THRAP3: variants seen among roughly 807,000 people sequenced by gnomAD.
THRAP3 encodes thyroid hormone receptor associated protein 3, also known as thyroid hormone receptor-associated protein 3.
In THRAP3, 16 loss-of-function variants were observed where a neutral mutation model predicts 101.0. That is an observed-to-expected ratio of 0.16 (90% CI 0.11 to 0.24). The LOEUF is 0.24. Among genes scored for constraint, THRAP3 ranks in the 10% least tolerant of loss-of-function variants. The probability of loss-of-function intolerance (pLI) is 1.00; values close to 1 mark genes in which losing one functional copy is unlikely to be tolerated. For missense variants in THRAP3, 989 were observed against 1,202.7 expected (o/e 0.82, Z 2.63); for synonymous variants, 407 against 422.6 (o/e 0.96, Z 0.45).
chr1:36,228,847 A>C (rs1323717751), intron 1 of THRAP3, among the ~76,000 whole-genome samples: 1 of 152,198 alleles, frequency 6.6e-6, no homozygotes, highest in Non-Finnish European at 1.5e-5. Context: ...AATCCATAAA[A>C]ATGTAGGCTG....
Position 36,286,676 on chromosome 1 carries a change from C to T in THRAP3, c.446C>T (p.Ser149Leu). Residue 149 changes from serine to leucine, a missense_variant, in exon 4 of 12, where the codon TCG (serine) becomes TTG (leucine). Physicochemically the swap from Ser to Leu is moderately radical, Grantham distance 145. Coordinates refer to ENST00000354618, the MANE Select transcript of THRAP3 (RefSeq NM_005119.4). The surrounding 1 kb of genome is among the most constrained non-coding windows in gnomAD (Gnocchi z 5.5). ...AGCCATTCTAGAAACTCTGATAAGTCGTCTTCTGACCGGTCAAGGCGCTCC... is the reference window on the plus strand; with the variant it reads ...AGCCATTCTAGAAACTCTGATAAGTTGTCTTCTGACCGGTCAAGGCGCTCC... The part of the protein sequence containing the change: ...SRSHSRNSDK[S>L]SSDRSRRSSS... 2.5e-6 allele frequency: 4 copies of T among 1,614,168 alleles called. No individual in the cohort carries two copies. Among genetic ancestry groups the T allele is most frequent in the East Asian group, 2.2e-5 (1 of 44,880 alleles).
At chr1:36,282,030 G>A (rs1048381843) in intron 2 of THRAP3, among the ~76,000 whole-genome samples, 2 of 151,908 alleles carry the variant, frequency 1.3e-5, no homozygotes, top group Non-Finnish European at 2.9e-5. Context: ...CTGAGATTAA[G>A]CCATTGCACT....
At chr1:36,297,444 AT>A (rs764365723) in intron 9 of THRAP3, among the ~76,000 whole-genome samples, 4,431 of 122,334 alleles carry the variant, frequency 0.036, 101 homozygotes, top group African/African-American at 0.12. Flanking sequence ...GCTGGCAAGC[AT>A]TTTTTTTTTT....
chr1:36,239,067 G>C (rs1311507686), intron 1 of THRAP3, among the ~76,000 whole-genome samples: 9 of 151,682 alleles, frequency 5.9e-5, no homozygotes, highest in Admixed American at 4.0e-4. Context: ...CCAAGTAGCT[G>C]GGAGTACAGG....
chr1:36,236,363 G>A (rs1313444396), intron 1 of THRAP3, among the ~76,000 whole-genome samples: 1 of 151,978 alleles, frequency 6.6e-6, no homozygotes, highest in Non-Finnish European at 1.5e-5. Context: ...TAGCTATATA[G>A]AACTACATAG....
At chr1:36,302,098 T>C (rs908586523) in intron 11 of THRAP3, among the ~76,000 whole-genome samples, 1 of 152,200 alleles carries the variant, frequency 6.6e-6, no homozygotes, top group African/African-American at 2.4e-5. Context: ...CAGGATCTCT[T>C]TGAGGAAAGG....
rs760377905 is a variant in THRAP3 at position 36,301,564 on chromosome 1, C to A, written c.2514C>A (p.Ala838=). Residue 838 remains alanine (A), a synonymous_variant, in exon 11 of 12, where the codon GCC becomes GCA. Transcript: ENST00000354618. Reference sequence around the variant, plus strand: ...ATTTATTGCAATAGCAGTTTCGAGCCAGAGGAAGAGGCTGGGGCAGAGGCA... The same window carrying A: ...ATTTATTGCAATAGCAGTTTCGAGCAAGAGGAAGAGGCTGGGGCAGAGGCA... ...GRARGTFQFR[A]RGRGWGRGNY... is the part of the protein sequence containing the mutation. 6.2e-7 allele frequency: 1 copy of A among 1,612,944 alleles called. No individual in the cohort carries two copies. The highest frequency in any genetic ancestry group is 1.1e-5 in the South Asian group (1 of 91,024).
chr1:36,235,190 A>C (rs1036495670), intron 1 of THRAP3, among the ~76,000 whole-genome samples: 4 of 152,198 alleles, frequency 2.6e-5, no homozygotes, highest in Non-Finnish European at 5.9e-5. Flanking sequence ...TGATTAACCC[A>C]ATGACAGGCA....
chr1:36,296,160 G>T lies in THRAP3; in HGVS notation c.2116-423G>T, dbSNP rs116250055. ...GGCTGATTTTTGTATTTTTAGTAGA[G>T]AACAGGGTTTTGGTTGTTGCCCATG... is the stretch of plus-strand genomic sequence containing the variant. On this transcript the variant is annotated intron_variant, in intron 8 of 11. Coordinates refer to ENST00000354618, the MANE Select transcript of THRAP3 (RefSeq NM_005119.4). Among the ~76,000 whole-genome samples the T allele has an allele frequency of 9.5e-3, 1,449 of 151,734 alleles. 17 individuals are homozygous for T. Among genetic ancestry groups the T allele is most frequent in the African/African-American group, 0.034 (1,388 of 41,350 alleles).
intron 1 of THRAP3, among the ~76,000 whole-genome samples, chr1:36,252,679 G>A (rs1484936105): frequency 3.3e-5 from 5 of 151,536 alleles, no homozygotes; most frequent in African/African-American, 7.3e-5. Flanking sequence ...AGGCTGAGGC[G>A]GGCAGATCAC....
chr1:36,277,777 G>A (rs1011948791), intron 2 of THRAP3, among the ~76,000 whole-genome samples: 3 of 151,986 alleles, frequency 2.0e-5, no homozygotes, highest in African/African-American at 7.3e-5. Context: ...TTATTATTTT[G>A]AGACGGAATT....
intron 2 of THRAP3, among the ~76,000 whole-genome samples, chr1:36,280,807 G>T (rs554556228): frequency 1.3e-5 from 2 of 152,050 alleles, no homozygotes; most frequent in African/African-American, 2.4e-5. Flanking sequence ...TGTAGACCAG[G>T]CGTTAACCTC....
At chr1:36,259,084 GT>G (rs1645411634) in intron 1 of THRAP3, among the ~76,000 whole-genome samples, 1 of 152,208 alleles carries the variant, frequency 6.6e-6, no homozygotes, top group African/African-American at 2.4e-5. Flanking sequence ...ACCAGGTTGA[GT>G]TTTGTGGAGC....
In THRAP3 at chr1:36,304,196, A is replaced by C; in HGVS notation, c.*179A>C. The C allele has an allele frequency of 1.0e-6, 1 of 974,206 alleles. No homozygotes were observed. The highest frequency in any genetic ancestry group is 1.4e-6 in the Non-Finnish European group (1 of 707,012). 60.3% of individuals were successfully genotyped at this position (974,206 alleles called of 1,614,324 possible). A position where few individuals can be genotyped will look rare whatever the true frequency, so the allele number is the denominator to read the frequency against. On this transcript the variant is annotated 3_prime_UTR_variant, in exon 12 of 12. Transcript: ENST00000354618. Reference sequence around the variant, plus strand: ...GGCGCTGTCTCCCACTGGACAGAGGAGGCTGGCCATGGGGCCCAGGGGTCA... The same window carrying C: ...GGCGCTGTCTCCCACTGGACAGAGGCGGCTGGCCATGGGGCCCAGGGGTCA...
chr1:36,301,080 C>T lies in THRAP3; in HGVS notation c.2498C>T (p.Thr833Ile), dbSNP rs1046849153. Residue 833 changes from threonine (T) to isoleucine (I), a missense_variant, in exon 10 of 12, where the codon ACC becomes ATC. Transcript: ENST00000354618. ...SERGGGRARG[T>I]FQFRARGRGW... ...AGAGGAGGTGGCAGAGCTCGAGGAACCTTTGTAAGACCTTCCCCTCTCCCC... is the reference window on the plus strand; with the variant it reads ...AGAGGAGGTGGCAGAGCTCGAGGAATCTTTGTAAGACCTTCCCCTCTCCCC... 1 of 1,613,996 alleles carries T rather than the reference C, an allele frequency of 6.2e-7. No individual in the cohort carries two copies. Among genetic ancestry groups the T allele is most frequent in the Non-Finnish European group, 8.5e-7 (1 of 1,179,918 alleles).
At chr1:36,219,887 G>A (rs897228246), upstream of THRAP3, among the ~76,000 whole-genome samples, 9 of 152,336 alleles carry the variant, frequency 5.9e-5, no homozygotes, top group Non-Finnish European at 7.3e-5. Context: ...GTGATTTTAA[G>A]TTGAAGGCGA....
chr1:36,229,415 T>G (rs1557803252), intron 1 of THRAP3, among the ~76,000 whole-genome samples: 10 of 45,234 alleles, frequency 2.2e-4, no homozygotes, highest in Admixed American at 1.6e-3. Context: ...TTTTTTTGTT[T>G]TTTTTTTGTT....
chr1:36,230,039 C>T (rs1645009518), intron 1 of THRAP3, among the ~76,000 whole-genome samples: 1 of 151,166 alleles, frequency 6.6e-6, no homozygotes, highest in Non-Finnish European at 1.5e-5. Context: ...ACTGCAACCT[C>T]CACCTCCTGG....
chr1:36,294,363 C>A, intron 8 of THRAP3: 1 of 373,640 alleles, frequency 2.7e-6, no homozygotes, highest in Non-Finnish European at 3.7e-6. Context: ...TTTTAAACAG[C>A]TGGTCCAGTT....
Sources: gnomAD v4.1 joint callset for allele counts (sites outside exome capture counted in the v4.1 genomes callset) on GRCh38, gnomAD v4.1.1 for gene constraint, Gnocchi (gnomAD v3.1) non-coding constraint, MANE v1.5 for transcripts, NCBI Gene and HGNC (gene_info 2026-07-23, HGNC 2026-07-21) for gene names.